UTRN: variants seen among roughly 807,000 people sequenced by gnomAD.
The protein encoded by UTRN is dystrophin-related protein 1.
A neutral mutation model predicts 463.9 loss-of-function variants in UTRN; 283 were observed. The ratio of observed to expected loss-of-function variants is 0.61; its 90% CI spans 0.55 to 0.67. UTRN has a LOEUF of 0.67. UTRN is among the 30% of genes least tolerant of loss of function. The probability of loss-of-function intolerance (pLI) is 0.00; values close to 1 mark genes in which losing one functional copy is unlikely to be tolerated. For missense variants in UTRN, 3,922 were observed against 4,084.3 expected (o/e 0.96, Z 1.08); for synonymous variants, 1,442 against 1,431.5 (o/e 1.01, Z -0.17).
intron 54 of UTRN, among the ~76,000 whole-genome samples, chr6:144,742,497 G>T (rs1374296553): frequency 2.0e-5 from 3 of 152,140 alleles, no homozygotes; most frequent in African/African-American, 7.2e-5. Flanking sequence ...GAAATAGGAG[G>T]GGGGTAAAGA....
At chr6:144,336,947 T>A (rs1776760057) in intron 2 of UTRN, among the ~76,000 whole-genome samples, 1 of 152,084 alleles carries the variant, frequency 6.6e-6, no homozygotes, top group South Asian at 2.1e-4. Context: ...CCTGGCAGAT[T>A]GGACCCTGTT....
At chr6:144,846,639 G>GAA (rs141547294) in intron 73 of UTRN, among the ~76,000 whole-genome samples, 166 bp from the exon 74 acceptor site, 5,008 of 149,288 alleles carry the variant, frequency 0.034, 124 homozygotes, top group Non-Finnish European at 0.046. Context: ...ATTAAGCCAG[G>GAA]AAAAAAAAAA....
At chr6:144,689,175 A>G (rs542766208) in intron 52 of UTRN, among the ~76,000 whole-genome samples, 7 of 152,292 alleles carry the variant, frequency 4.6e-5, no homozygotes, top group Admixed American at 4.6e-4. Flanking sequence ...CCTGGAAGGT[A>G]CTTCTCTTGT....
At chr6:144,646,191 G>T (rs911518321) in intron 51 of UTRN, among the ~76,000 whole-genome samples, 8 of 152,086 alleles carry the variant, frequency 5.3e-5, no homozygotes, top group Non-Finnish European at 1.0e-4. Flanking sequence ...ATTCTATTCG[G>T]CTTGAAAAGT....
chr6:144,298,298 C>G (rs757536532), intron 2 of UTRN, among the ~76,000 whole-genome samples: 1 of 152,120 alleles, frequency 6.6e-6, no homozygotes, highest in Admixed American at 6.6e-5. Flanking sequence ...GAAATTGAAA[C>G]CAGGTCCCAG....
chr6:144,769,813 G>C (rs1426180523), intron 58 of UTRN, among the ~76,000 whole-genome samples: 1 of 152,156 alleles, frequency 6.6e-6, no homozygotes, highest in East Asian at 1.9e-4. Flanking sequence ...ATGAACCCTA[G>C]TAGGTTCTCT....
chr6:144,518,655 C>T (rs1795833958), intron 39 of UTRN, among the ~76,000 whole-genome samples: 1 of 152,166 alleles, frequency 6.6e-6, no homozygotes, highest in South Asian at 2.1e-4. Context: ...CCTAATGCTT[C>T]TCCAAGTTCA....
intron 61 of UTRN, among the ~76,000 whole-genome samples, chr6:144,786,495 A>G (rs551331856): frequency 6.6e-6 from 1 of 152,210 alleles, no homozygotes; most frequent in East Asian, 1.9e-4. Flanking sequence ...CATGTTGGCC[A>G]GGATGGTCTC....
intron 51 of UTRN, among the ~76,000 whole-genome samples, chr6:144,661,069 A>G (rs934183488): frequency 8.5e-5 from 13 of 152,226 alleles, no homozygotes; most frequent in African/African-American, 3.1e-4. Flanking sequence ...AAAGGCAGAA[A>G]GGGGTGAAGT....
intron 58 of UTRN, among the ~76,000 whole-genome samples, chr6:144,761,661 T>C (rs180802814): frequency 1.1e-3 from 167 of 151,652 alleles, no homozygotes; most frequent in Middle Eastern, 3.4e-3. Flanking sequence ...AAAATAATAA[T>C]AATAATAATA....
At chr6:144,631,800 G>T (rs920482545) in intron 51 of UTRN, among the ~76,000 whole-genome samples, 1 of 151,924 alleles carries the variant, frequency 6.6e-6, no homozygotes, top group East Asian at 1.9e-4. Flanking sequence ...CTTGGCATTC[G>T]GAACACAATA....
At chr6:144,478,376 C>T (rs1053268342) in intron 25 of UTRN, among the ~76,000 whole-genome samples, 1 of 152,138 alleles carries the variant, frequency 6.6e-6, no homozygotes. Context: ...AAGAAGTACA[C>T]ATACAGAGAA....
chr6:144,386,280 G>A (rs1285090608), intron 2 of UTRN, among the ~76,000 whole-genome samples: 1 of 152,052 alleles, frequency 6.6e-6, no homozygotes, highest in Non-Finnish European at 1.5e-5. Context: ...AGGGCAACAT[G>A]GCGAAACCTC....
chr6:144,350,300 A>G (rs1216843262), intron 2 of UTRN, among the ~76,000 whole-genome samples: 1 of 152,118 alleles, frequency 6.6e-6, no homozygotes, highest in African/African-American at 2.4e-5. Flanking sequence ...TCTACAAAGT[A>G]GAAAACTGTC....
At position 144,521,958 on chromosome 6, in the gene UTRN, T is replaced by A. The variant is rs546379704; in HGVS notation, c.5542-22T>A. On this transcript the variant is annotated intron_variant, in intron 39 of 74. Coordinates refer to ENST00000367545, the MANE Select transcript of UTRN (RefSeq NM_007124.3). ...AGAGATATATATATATATATATATT[T>A]TTTTTTTTGCTGTTTTTGTAGGCAA... 1.1e-3 allele frequency: 1,526 copies of A among 1,392,840 alleles called. 2 individuals are homozygous for A. The highest frequency in any genetic ancestry group is 2.7e-3 in the Admixed American group (95 of 35,744). 86.3% of individuals were successfully genotyped at this position (1,392,840 alleles called of 1,614,324 possible). A position where few individuals can be genotyped will look rare whatever the true frequency, so the allele number is the denominator to read the frequency against.
In UTRN at chr6:144,479,952, A is replaced by G. The variant is rs1454023267; in HGVS notation, c.3477A>G (p.Glu1159=). ...GGGATTTTGAGTACAAGTCACCAGAAGAGCTTGAGAGTGCTGTGGAAGAGA... is the reference window on the plus strand; with the variant it reads ...GGGATTTTGAGTACAAGTCACCAGAGGAGCTTGAGAGTGCTGTGGAAGAGA... ...LERDFEYKSP[E]ELESAVEEMK... The change falls in exon 26 of 75, where the codon GAA becomes GAG. Residue 1159 remains glutamate, a synonymous_variant. Transcript: ENST00000367545. The G allele has an allele frequency of 6.2e-7, 1 of 1,614,234 alleles. No homozygotes were observed. The highest frequency in any genetic ancestry group is 1.3e-5 in the African/African-American group (1 of 75,060).
At chr6:144,833,599 T>C (rs933407420) in intron 69 of UTRN, among the ~76,000 whole-genome samples, 6 of 152,248 alleles carry the variant, frequency 3.9e-5, no homozygotes, top group African/African-American at 1.4e-4. Flanking sequence ...CTTATTTTGC[T>C]GTTTTATTTT....
chr6:144,484,901 G>A (rs943468536), intron 27 of UTRN, among the ~76,000 whole-genome samples: 1 of 151,806 alleles, frequency 6.6e-6, no homozygotes, highest in African/African-American at 2.4e-5. Context: ...GGTCTCATAT[G>A]ATTTTGTTGA....
chr6:144,511,041 T>C lies in UTRN; in HGVS notation c.4862T>C (p.Ile1621Thr), dbSNP rs1400703641. The C allele has an allele frequency of 1.2e-6, 2 of 1,613,148 alleles. No individual in the cohort carries two copies. The highest frequency in any genetic ancestry group is 8.5e-7 in the Non-Finnish European group (1 of 1,179,350). The change falls in exon 35 of 75, where the codon ATT (isoleucine) becomes ACT (threonine). Residue 1621 changes from isoleucine to threonine, a missense_variant. Coordinates refer to ENST00000367545, the MANE Select transcript of UTRN (RefSeq NM_007124.3). ...LQNLIEGSEP[I>T]LEERLCVLNA... ...AACTTGATTGAGGGCAGTGAGCCTA[T>C]TTTAGAAGAGAGGCTCTGCGTCCTT... is the stretch of plus-strand genomic sequence containing the variant.
Sources: allele counts gnomAD v4.1 joint callset (sites outside exome capture counted in the v4.1 genomes callset), GRCh38; gene constraint gnomAD v4.1.1; transcripts MANE v1.5; gene names NCBI Gene and HGNC (gene_info 2026-07-23, HGNC 2026-07-21).